The following MAST2 variants were observed in gnomAD, a reference collection of about 807,000 sequenced individuals.
The protein encoded by MAST2 is microtubule associated serine/threonine kinase 2.
Under a neutral mutation model 147.4 loss-of-function variants are expected in MAST2, and 70 were observed. The observed-to-expected ratio is 0.47, with a 90% CI of 0.39 to 0.58. The LOEUF (loss-of-function observed/expected upper bound fraction) is 0.58. MAST2 is among the 20% of genes least tolerant of loss of function. The pLI is 0.00. For synonymous variants in MAST2, 869 were observed against 896.8 expected (o/e 0.97, Z 0.55); for missense variants, 2,080 against 2,302.3 (o/e 0.90, Z 1.98).
Position 46,034,167 on chromosome 1 carries a change from T to C in MAST2, c.3769T>C (p.Ser1257Pro), listed in dbSNP as rs1336596790. The change falls in exon 28 of 29, where the codon TCA (serine) becomes CCA (proline). Residue 1257 changes from serine to proline, a missense_variant. By Grantham distance (74) the Ser-to-Pro change is moderately conservative (BLOSUM62 -1). Transcript: ENST00000361297. ...SLSSLNRSLSSGESGPGSPTH... is the reference protein window; with the variant it reads ...SLSSLNRSLSPGESGPGSPTH... ...TTCTTCCCTTAACCGCTCCTTGTCA[T>C]CAGGGGAGAGTGGGCCAGGCTCTCC... 1 of 1,614,158 alleles carries C rather than the reference T, an allele frequency of 6.2e-7. No homozygotes were observed. The highest frequency in any genetic ancestry group is 1.1e-5 in the South Asian group (1 of 91,086).
At chr1:45,897,829 G>A (rs1260693663) in intron 4 of MAST2, among the ~76,000 whole-genome samples, 1 of 151,016 alleles carries the variant, frequency 6.6e-6, no homozygotes, top group Non-Finnish European at 1.5e-5. Flanking sequence ...ATAGAGCCAG[G>A]CACAGTGGCT....
chr1:45,827,825 T>C (rs897893806), intron 2 of MAST2, among the ~76,000 whole-genome samples: 2 of 152,136 alleles, frequency 1.3e-5, no homozygotes, highest in South Asian at 4.1e-4. Context: ...GTGAAGTCTT[T>C]CCTTTTTTTA....
At chr1:45,860,665 C>T (rs1225262816) in intron 3 of MAST2, among the ~76,000 whole-genome samples, 2 of 151,956 alleles carry the variant, frequency 1.3e-5, no homozygotes, top group Admixed American at 6.6e-5. Flanking sequence ...AACCCCATCT[C>T]TACTAAAAAT....
chr1:46,000,030 A>T (rs1645208926), intron 6 of MAST2, among the ~76,000 whole-genome samples: 1 of 152,010 alleles, frequency 6.6e-6, no homozygotes, highest in African/African-American at 2.4e-5. Context: ...GAACAGGAAG[A>T]GGGCCGGGCA....
At chr1:45,848,730 G>A (rs761734712) in intron 3 of MAST2, among the ~76,000 whole-genome samples, 7 of 152,100 alleles carry the variant, frequency 4.6e-5, no homozygotes, top group African/African-American at 9.7e-5. Flanking sequence ...GGGTATAGCC[G>A]GAGTAATCAG....
intron 4 of MAST2, among the ~76,000 whole-genome samples, chr1:45,915,439 G>A (rs756040431): frequency 6.6e-6 from 1 of 152,186 alleles, no homozygotes; most frequent in Non-Finnish European, 1.5e-5. Context: ...GGCCAGGCGC[G>A]GTGGCTTACG....
chr1:45,905,331 T>A (rs1253646765), intron 4 of MAST2, among the ~76,000 whole-genome samples: 1 of 151,948 alleles, frequency 6.6e-6, no homozygotes, highest in Non-Finnish European at 1.5e-5. Context: ...AGTACAGGCA[T>A]GCGCCACCGC....
chr1:46,030,276 G>A (rs1453690342), intron 21 of MAST2, 38 bp downstream of exon 21: 1 of 1,592,344 alleles, frequency 6.3e-7, no homozygotes, highest in Non-Finnish European at 8.6e-7. Context: ...AGAACAGGCT[G>A]GAGGATCAGA....
intron 4 of MAST2, among the ~76,000 whole-genome samples, chr1:45,911,823 G>C (rs1651694158): frequency 6.8e-6 from 1 of 147,426 alleles, no homozygotes; most frequent in Non-Finnish European, 1.5e-5. Flanking sequence ...AATAAATGTT[G>C]GTTGCTGTTA....
At chr1:45,987,018 G>A (rs564835780) in intron 5 of MAST2, among the ~76,000 whole-genome samples, 1 of 152,086 alleles carries the variant, frequency 6.6e-6, no homozygotes, top group African/African-American at 2.4e-5. Context: ...TTGTGGGAAG[G>A]TTTTAAATTA....
rs1251736608 is a variant in MAST2, at chr1:46,027,617, T to G, written c.1920-114T>G. The G allele has an allele frequency of 6.2e-6, 7 of 1,136,610 alleles. No individual in the cohort carries two copies. In the African/African-American group the frequency reaches 9.3e-5, roughly 15 times the overall value. 70.4% of individuals were successfully genotyped at this position (1,136,610 alleles called of 1,614,324 possible). On this transcript the variant is annotated intron_variant, in intron 16 of 28. Transcript: ENST00000361297. ...TCCCCCCAGCTGAAGCTACCCAGCT[T>G]GTGTCTCACAGTACCCCCATGGAAG...
chr1:45,823,036 A>G (rs754944378), intron 1 of MAST2, among the ~76,000 whole-genome samples: 12 of 151,924 alleles, frequency 7.9e-5, no homozygotes, highest in Non-Finnish European at 1.8e-4. Flanking sequence ...ATGTTTTGAA[A>G]TTGTCTTTTT....
rs1449843999 is a variant in MAST2 at position 45,997,822 on chromosome 1, C to G, written c.668+23C>G. On this transcript the variant is annotated intron_variant, in intron 6 of 28. Transcript: ENST00000361297. Reference sequence around the variant, plus strand: ...TAGGTAAGTTGATAGGAAACCTCCTCTGGGACCAGCACATGTGGCACTTGC... The same window carrying G: ...TAGGTAAGTTGATAGGAAACCTCCTGTGGGACCAGCACATGTGGCACTTGC... 4 of 1,597,102 alleles carry G rather than the reference C, an allele frequency of 2.5e-6. No homozygotes were observed. In the Admixed American group the frequency reaches 5.0e-5, roughly 20 times the overall value.
At chr1:45,852,083 T>A (rs1006899041) in intron 3 of MAST2, among the ~76,000 whole-genome samples, 1 of 152,132 alleles carries the variant, frequency 6.6e-6, no homozygotes, top group Non-Finnish European at 1.5e-5. Context: ...TAATACAATA[T>A]TAAAACCATG....
At chr1:46,016,941 T>C (rs1182460504) in intron 10 of MAST2, among the ~76,000 whole-genome samples, 1 of 151,800 alleles carries the variant, frequency 6.6e-6, no homozygotes, top group African/African-American at 2.4e-5. Context: ...AAGGCTACAG[T>C]AACCAAAACA....
intron 3 of MAST2, among the ~76,000 whole-genome samples, chr1:45,831,194 A>G (rs977174962): frequency 1.3e-5 from 2 of 152,134 alleles, no homozygotes; most frequent in Non-Finnish European, 2.9e-5. Flanking sequence ...AAAGGCACCC[A>G]CTGGCTTTCT....
At chr1:45,923,067 C>T (rs1007167409) in intron 4 of MAST2, among the ~76,000 whole-genome samples, 3 of 152,286 alleles carry the variant, frequency 2.0e-5, no homozygotes, top group East Asian at 1.9e-4. Context: ...CGGGCCAGAC[C>T]TCTGTGCCCC....
At chr1:45,940,398 C>T (rs1310906106) in intron 4 of MAST2, among the ~76,000 whole-genome samples, 1 of 151,994 alleles carries the variant, frequency 6.6e-6, no homozygotes, top group Non-Finnish European at 1.5e-5. Context: ...ATTTCTAATG[C>T]TATTGTGAGT....
intron 4 of MAST2, among the ~76,000 whole-genome samples, chr1:45,922,714 CGGTGGT>C (rs1415971756): frequency 1.3e-5 from 2 of 152,164 alleles, no homozygotes; most frequent in Non-Finnish European, 2.9e-5. Context: ...TGCAGCAGGG[CGGTGGT>C]GGCTGCACCT....
Sources: allele counts gnomAD v4.1 joint callset (sites outside exome capture counted in the v4.1 genomes callset), GRCh38; gene constraint gnomAD v4.1.1; transcripts MANE v1.5; gene names NCBI Gene and HGNC (gene_info 2026-07-23, HGNC 2026-07-21).